Variants in HS6ST3 observed in about 807,000 individuals in gnomAD.
HS6ST3 encodes the protein heparan sulfate 6-O-sulfotransferase 3, also known as heparan-sulfate 6-O-sulfotransferase 3.
A neutral mutation model predicts 36.7 loss-of-function variants in HS6ST3; 12 were observed. That is an observed-to-expected ratio of 0.33 (90% CI 0.21 to 0.53). HS6ST3 has a LOEUF of 0.53. Among genes scored for constraint, HS6ST3 ranks in the 20% least tolerant of loss-of-function variants. The pLI is 0.95. For missense variants in HS6ST3, 584 were observed against 640.9 expected, an observed-to-expected ratio of 0.91 and a Z score of 0.96; for synonymous variants, 240 against 257.5, an observed-to-expected ratio of 0.93 and a Z score of 0.65.
intron 1 of HS6ST3, among the ~76,000 whole-genome samples, chr13:96,688,115 T>C (rs1874837219): frequency 6.6e-6 from 1 of 151,130 alleles, no homozygotes; most frequent in Non-Finnish European, 1.5e-5. Context: ...ATATACCTAA[T>C]GTAAATGACG....
intron 1 of HS6ST3, among the ~76,000 whole-genome samples, chr13:96,711,525 A>G (rs1875561290): frequency 6.6e-6 from 1 of 152,240 alleles, no homozygotes; most frequent in Non-Finnish European, 1.5e-5. Flanking sequence ...CGATTGTGAT[A>G]CAATGACCCA....
chr13:96,183,799 G>A (rs1349654492), intron 1 of HS6ST3, among the ~76,000 whole-genome samples: 1 of 152,146 alleles, frequency 6.6e-6, no homozygotes, highest in Non-Finnish European at 1.5e-5. Context: ...TGTTTAACGG[G>A]TATGAAGTTT....
intron 1 of HS6ST3, among the ~76,000 whole-genome samples, chr13:96,389,681 A>G (rs2055386307): frequency 6.6e-6 from 1 of 152,174 alleles, no homozygotes; most frequent in Admixed American, 6.6e-5. Context: ...CTCTTAGAAC[A>G]TGAACACAAT....
intron 1 of HS6ST3, among the ~76,000 whole-genome samples, chr13:96,371,467 G>A (rs2055289817): frequency 6.6e-6 from 1 of 152,120 alleles, no homozygotes; most frequent in African/African-American, 2.4e-5. Context: ...ATGTGTGTGT[G>A]TATGTGATGA....
intron 1 of HS6ST3, among the ~76,000 whole-genome samples, chr13:96,594,862 TTTTCTTTCAATTTTAAGATGGCA>T (rs1032389099): frequency 2.0e-5 from 3 of 152,226 alleles, no homozygotes; most frequent in Non-Finnish European, 4.4e-5. Flanking sequence ...ATTATCATTT[TTTTCTTTCAATTTTAAGATGGCA>T]TTTCTTTTAA....
chr13:96,635,875 T>C (rs11618911), intron 1 of HS6ST3, among the ~76,000 whole-genome samples: 8,602 of 152,170 alleles, frequency 0.057, 272 homozygotes, highest in Middle Eastern at 0.088. Flanking sequence ...ATGAATATGA[T>C]ATATAATACT....
chr13:96,109,109 G>A (rs920271965), intron 1 of HS6ST3, among the ~76,000 whole-genome samples: 1 of 152,194 alleles, frequency 6.6e-6, no homozygotes, highest in Non-Finnish European at 1.5e-5. Flanking sequence ...GGGGGAGAAA[G>A]CAGAAGCATG....
intron 1 of HS6ST3, among the ~76,000 whole-genome samples, chr13:96,457,258 G>C (rs1477592693): frequency 6.6e-6 from 1 of 152,110 alleles, no homozygotes; most frequent in Non-Finnish European, 1.5e-5. Flanking sequence ...AATGGAAGCA[G>C]TTTGCTTAAG....
At chr13:96,117,436 A>G (rs930438914) in intron 1 of HS6ST3, among the ~76,000 whole-genome samples, 4 of 152,242 alleles carry the variant, frequency 2.6e-5, no homozygotes, top group African/African-American at 9.6e-5. Context: ...TTGCGAAAGT[A>G]TTTTAACACC....
intron 1 of HS6ST3, among the ~76,000 whole-genome samples, chr13:96,271,196 C>A (rs149489219): frequency 6.6e-6 from 1 of 151,618 alleles, no homozygotes; most frequent in East Asian, 1.9e-4. Flanking sequence ...TATTGAATGT[C>A]GAGTTGGAAA....
intron 1 of HS6ST3, among the ~76,000 whole-genome samples, chr13:96,603,920 C>A (rs1243618525): frequency 1.3e-5 from 2 of 152,086 alleles, no homozygotes; most frequent in African/African-American, 4.8e-5. Flanking sequence ...TCTACTGAGG[C>A]TAGGAAATTT....
chr13:96,570,069 A>G (rs1434734746), intron 1 of HS6ST3, among the ~76,000 whole-genome samples: 2 of 152,214 alleles, frequency 1.3e-5, no homozygotes, highest in African/African-American at 4.8e-5. Context: ...TTTTATAGGA[A>G]TATGCAATGT....
At chr13:96,363,634 T>C (rs1474957731) in intron 1 of HS6ST3, among the ~76,000 whole-genome samples, 1 of 152,162 alleles carries the variant, frequency 6.6e-6, no homozygotes, top group Non-Finnish European at 1.5e-5. Flanking sequence ...ATTTATTCAA[T>C]AGCAGCAATC....
chr13:96,492,284 G>A (rs1322008793), intron 1 of HS6ST3, among the ~76,000 whole-genome samples: 2 of 152,170 alleles, frequency 1.3e-5, no homozygotes, highest in African/African-American at 2.4e-5. Context: ...CAACTAAAAA[G>A]ACTCTCAGTT....
At chr13:96,601,123 G>A (rs769892160) in intron 1 of HS6ST3, among the ~76,000 whole-genome samples, 27 of 152,038 alleles carry the variant, frequency 1.8e-4, no homozygotes, top group Non-Finnish European at 2.8e-4. Context: ...ACTTTAGATA[G>A]CCTGATGATT....
intron 1 of HS6ST3, among the ~76,000 whole-genome samples, chr13:96,603,824 T>C (rs2056429715): frequency 6.6e-6 from 1 of 152,214 alleles, no homozygotes; most frequent in African/African-American, 2.4e-5. Context: ...CTTCACAGTT[T>C]ATAACAAAGC....
chr13:96,825,810 T>G (rs934335422), intron 1 of HS6ST3, among the ~76,000 whole-genome samples: 4 of 152,198 alleles, frequency 2.6e-5, no homozygotes, highest in African/African-American at 9.7e-5. Context: ...CCTGGTCAAG[T>G]CTCAGTACTC....
intron 1 of HS6ST3, among the ~76,000 whole-genome samples, chr13:96,117,009 A>C (rs1196222946): frequency 6.6e-6 from 1 of 152,182 alleles, no homozygotes; most frequent in African/African-American, 2.4e-5. Flanking sequence ...TCAGAAAGTC[A>C]CTAAGCCCTG....
At chr13:96,750,294 G>C (rs1876667780) in intron 1 of HS6ST3, among the ~76,000 whole-genome samples, 1 of 152,176 alleles carries the variant, frequency 6.6e-6, no homozygotes. Flanking sequence ...ACAAGCCCCA[G>C]GGAAGACCAG....
Sources: gnomAD v4.1 joint callset for allele counts (sites outside exome capture counted in the v4.1 genomes callset) on GRCh38, gnomAD v4.1.1 for gene constraint, MANE v1.5 for transcripts, NCBI Gene and HGNC (gene_info 2026-07-23, HGNC 2026-07-21) for gene names.